AKAP8L: variants seen among roughly 807,000 people sequenced by gnomAD.
The protein encoded by AKAP8L is A-kinase anchoring protein 8 like, also known as A-kinase anchor protein 8-like.
Under a neutral mutation model 77.5 loss-of-function variants are expected in AKAP8L, and 34 were observed. The observed-to-expected ratio is 0.44, with a 90% CI of 0.33 to 0.58. The LOEUF is 0.58. AKAP8L is among the 20% of genes least tolerant of loss of function. AKAP8L has a pLI of 0.02. For synonymous variants in AKAP8L, 342 were observed against 340.7 expected (o/e 1.00, Z -0.04); for missense variants, 806 against 887.6 (o/e 0.91, Z 1.17).
intron 1 of AKAP8L, among the ~76,000 whole-genome samples, chr19:15,415,486 T>TA (rs1245737048): frequency 6.6e-6 from 1 of 152,068 alleles, no homozygotes; most frequent in Non-Finnish European, 1.5e-5. Context: ...TTCTCCTTTT[T>TA]AAAAAAGAGT....
chr19:15,383,927 C>CTTTTTTTTTTTTTTTTTTTTTTTTTT (rs3040939), intron 12 of AKAP8L: 1 of 83,682 alleles, frequency 1.2e-5, no homozygotes, highest in Non-Finnish European at 2.2e-5. Flanking sequence ...AGGTCTATTT[C>CTTTTTTTTTTTTTTTTTTTTTTTTTT]TTTTTTTTTT....
At chr19:15,384,088 C>G (rs1188987468) in intron 12 of AKAP8L, among the ~76,000 whole-genome samples, 1 of 151,798 alleles carries the variant, frequency 6.6e-6, no homozygotes, top group Non-Finnish European at 1.5e-5. Flanking sequence ...CCCACCACCC[C>G]ACCCGGCTAA....
chr19:15,385,618 G>C (rs1470639183), intron 12 of AKAP8L, among the ~76,000 whole-genome samples: 5 of 151,862 alleles, frequency 3.3e-5, no homozygotes, highest in Non-Finnish European at 7.4e-5. Context: ...TTATTTTTTT[G>C]AGACAGAGTC....
At chr19:15,385,062 C>CCGAG (rs1276287247) in intron 12 of AKAP8L, among the ~76,000 whole-genome samples, 1 of 151,960 alleles carries the variant, frequency 6.6e-6, no homozygotes, top group Non-Finnish European at 1.5e-5. Flanking sequence ...ACTGCAAGCT[C>CCGAG]CGCCTCCCGA....
chr19:15,389,688 T>C lies in AKAP8L; in HGVS notation c.1536+7462A>G, dbSNP rs1289136111. ...CAGAAGGTAGAGGCAGGGGAATCAC[T>C]TGAACCTGGGAGGCGGAGGTTGCAG... is the stretch of plus-strand genomic sequence containing the variant. On this transcript the variant is annotated intron_variant, in intron 12 of 13. Coordinates refer to ENST00000397410, the MANE Select transcript of AKAP8L (RefSeq NM_014371.4). Among the ~76,000 whole-genome samples the C allele has an allele frequency of 5.3e-5, 8 of 152,134 alleles. No homozygotes were observed. The East Asian group carries it at 1.5e-3, about 29-fold the overall frequency.
chr19:15,410,801 G>GACT lies in AKAP8L; in HGVS notation c.14-210_14-208dup, dbSNP rs565979262. Among the ~76,000 whole-genome samples the GACT allele has an allele frequency of 3.5e-3, 536 of 152,206 alleles. 7 individuals are homozygous for GACT. The highest frequency in any genetic ancestry group is 0.012 in the African/African-American group (517 of 41,520). On this transcript the variant is annotated intron_variant, in intron 1 of 13. Transcript: ENST00000397410. ...TATGTTTAACTTGCTATACCAGGAG[G>GACT]ACTAGATTAAAAAATTATTTATTTA...
chr19:15,415,690 T>A (rs1568275384), intron 1 of AKAP8L, among the ~76,000 whole-genome samples: 1 of 151,850 alleles, frequency 6.6e-6, no homozygotes, highest in African/African-American at 2.4e-5. Flanking sequence ...ATCAAGACCA[T>A]CCTGGCTAAC....
chr19:15,389,105 T>TC (rs1395343573), intron 12 of AKAP8L, among the ~76,000 whole-genome samples: 1 of 123,432 alleles, frequency 8.1e-6, no homozygotes, highest in East Asian at 2.5e-4. Context: ...GCGCCTATAG[T>TC]CCCCAGCTAC....
chr19:15,385,918 C>CTT (rs1220218326), intron 12 of AKAP8L, among the ~76,000 whole-genome samples: 4 of 99,696 alleles, frequency 4.0e-5, no homozygotes, highest in East Asian at 3.9e-4. Context: ...TCTTTTTTTT[C>CTT]TTTTTTTTTT....
At position 15,418,955 on chromosome 19, in the gene AKAP8L, G is replaced by C. The variant is rs774852970; in HGVS notation, c.-32C>G. The C allele has an allele frequency of 6.2e-7, 1 of 1,604,114 alleles. No homozygotes were observed. The highest frequency in any genetic ancestry group is 1.3e-5 in the African/African-American group (1 of 75,044). On this transcript the variant is annotated 5_prime_UTR_variant, in exon 1 of 14. Coordinates refer to ENST00000397410, the MANE Select transcript of AKAP8L (RefSeq NM_014371.4). ...GGGCAACACAACATCCGACGACGCCGGCTTCTGCTGCTCTGAACATCCGAC... is the reference window on the plus strand; with the variant it reads ...GGGCAACACAACATCCGACGACGCCCGCTTCTGCTGCTCTGAACATCCGAC...
intron 12 of AKAP8L, among the ~76,000 whole-genome samples, chr19:15,385,502 G>C (rs1033316460): frequency 5.3e-5 from 8 of 152,006 alleles, no homozygotes; most frequent in African/African-American, 1.9e-4. Flanking sequence ...ATTTCTTAGG[G>C]AACCATCCCT....
Position 15,397,302 on chromosome 19 carries a change from C to G in AKAP8L, c.1406-22G>C, listed in dbSNP as rs763375737. 2 of 1,613,282 alleles carry G rather than the reference C, an allele frequency of 1.2e-6. No individual in the cohort carries two copies. The highest frequency in any genetic ancestry group is 2.7e-5 in the African/African-American group (2 of 74,908). Reference sequence around the variant, plus strand: ...ATTTCTGTAGTGGGGAGGAGGGAGTCACCACTGGGCCCAGGTGCCTAAGAT... The same window carrying G: ...ATTTCTGTAGTGGGGAGGAGGGAGTGACCACTGGGCCCAGGTGCCTAAGAT... On this transcript the variant is annotated intron_variant, in intron 11 of 13. Coordinates refer to ENST00000397410, the MANE Select transcript of AKAP8L (RefSeq NM_014371.4). The surrounding 1 kb of genome is among the most constrained non-coding windows in gnomAD (Gnocchi z 4.7).
rs762206877 is a variant in AKAP8L, at chr19:15,401,321, G to A, written c.645C>T (p.Ala215=). The A allele has an allele frequency of 6.2e-7, 1 of 1,613,456 alleles. No homozygotes were observed. The highest frequency in any genetic ancestry group is 1.3e-5 in the African/African-American group (1 of 74,944). ...GGGAGAAGAGGGAGGGCAGCCGAGA[G>A]GCACCAGACATGCACTGGCCCCGGG... ...MGARGQCMSG[A]SRLPSLFSQN... is the part of the protein sequence containing the mutation. Residue 215 remains alanine, a synonymous_variant, in exon 5 of 14, where the codon GCC becomes GCT. Transcript: ENST00000397410. The surrounding 1 kb of genome is among the most constrained non-coding windows in gnomAD (Gnocchi z 6.2).
At position 15,401,146 on chromosome 19, in the gene AKAP8L, T is replaced by G. The variant is rs764550890; in HGVS notation, c.816+4A>C. 1.4e-5 allele frequency: 22 copies of G among 1,605,098 alleles called. No individual in the cohort carries two copies. In the Admixed American group the frequency reaches 3.7e-4, roughly 27 times the overall value. Reference sequence around the variant, plus strand: ...TCCCAGAGGGGAAGGCTGCCTCCACTCACTCGGAAGTCGGCTGTGGTCCAG... The same window carrying G: ...TCCCAGAGGGGAAGGCTGCCTCCACGCACTCGGAAGTCGGCTGTGGTCCAG... On this transcript the variant is annotated splice_donor_region_variant and intron_variant, in intron 5 of 13. Transcript: ENST00000397410. This position sits in a 1 kb window ranked among gnomAD's most constrained non-coding sequence, Gnocchi z 6.2.
At chr19:15,381,402 G>A (rs1296210703) in intron 12 of AKAP8L, among the ~76,000 whole-genome samples, 1 of 152,196 alleles carries the variant, frequency 6.6e-6, no homozygotes, top group African/African-American at 2.4e-5. Flanking sequence ...ACTGTCTGCA[G>A]AGCATGCCAG....
chr19:15,395,315 GTTTT>G (rs995576603), intron 12 of AKAP8L, among the ~76,000 whole-genome samples: 5 of 150,816 alleles, frequency 3.3e-5, no homozygotes, highest in Non-Finnish European at 7.4e-5. Context: ...CATTGTTTTG[GTTTT>G]TTTGTTTTGT....
At chr19:15,416,632 A>G (rs1207213479) in intron 1 of AKAP8L, among the ~76,000 whole-genome samples, 2 of 152,342 alleles carry the variant, frequency 1.3e-5, no homozygotes, top group African/African-American at 4.8e-5. Flanking sequence ...GAAATCACCT[A>G]TCCATTCCAA....
chr19:15,384,933 C>T (rs887674029), intron 12 of AKAP8L, among the ~76,000 whole-genome samples: 11 of 149,932 alleles, frequency 7.3e-5, no homozygotes, highest in Non-Finnish European at 1.5e-4. Flanking sequence ...TGCAGTGGCG[C>T]GATATCAGCT....
chr19:15,410,861 G>A (rs888148281), intron 1 of AKAP8L, among the ~76,000 whole-genome samples: 1 of 152,226 alleles, frequency 6.6e-6, no homozygotes, highest in Non-Finnish European at 1.5e-5. Flanking sequence ...TGTCCGGGCT[G>A]CAACGCAGTG....
Sources: allele counts gnomAD v4.1 joint callset (sites outside exome capture counted in the v4.1 genomes callset), GRCh38; gene constraint gnomAD v4.1.1; non-coding constraint Gnocchi (gnomAD v3.1); transcripts MANE v1.5; gene names NCBI Gene and HGNC (gene_info 2026-07-23, HGNC 2026-07-21).